The following NLRP9 variants were observed in gnomAD, a reference collection of about 807,000 sequenced individuals.
The protein encoded by NLRP9 is NACHT, LRR and PYD domains-containing protein 9.
In NLRP9, 88 loss-of-function variants were observed where a neutral mutation model predicts 83.1. The ratio of observed to expected loss-of-function variants is 1.06; its 90% CI spans 0.89 to 1.26. The LOEUF (loss-of-function observed/expected upper bound fraction) is 1.26. Among genes scored for constraint, NLRP9 ranks in the 50% most tolerant of loss-of-function variants. The pLI is 0.00. For synonymous variants in NLRP9, 521 were observed against 447.6 expected, an observed-to-expected ratio of 1.16 and a Z score of -2.07; for missense variants, 1,308 against 1,179.3, an observed-to-expected ratio of 1.11 and a Z score of -1.60.
In NLRP9 at chr19:55,708,982, A is replaced by G. The variant is rs1987572378; in HGVS notation, c.2906T>C (p.Ile969Thr). 1 of 1,593,870 alleles carries G rather than the reference A, an allele frequency of 6.3e-7. No homozygotes were observed. Among genetic ancestry groups the G allele is most frequent in the South Asian group, 1.2e-5 (1 of 86,928 alleles). The stretch of plus-strand genomic sequence containing the variant: ...TCCATGTGAAATGGTCAGATGGGGA[A>G]TTTTTTCTTCCACAGACATCAGGAT... Reference protein sequence around the residue: ...QKILMSVEEKIPHLTISHGPW... With the variant: ...QKILMSVEEKTPHLTISHGPW... The change falls in exon 9 of 9, where the codon ATT becomes ACT. Residue 969 changes from isoleucine to threonine, a missense_variant. By Grantham distance (89) the Ile-to-Thr change is moderately conservative. Transcript: ENST00000332836.
intron 3 of NLRP9, among the ~76,000 whole-genome samples, chr19:55,726,498 G>A (rs1214451628): frequency 6.6e-6 from 1 of 152,118 alleles, no homozygotes; most frequent in Admixed American, 6.5e-5. Flanking sequence ...AAGGACCGCT[G>A]GAGGTATGTG....
At chr19:55,729,484 T>C (rs1988506489) in intron 3 of NLRP9, among the ~76,000 whole-genome samples, 1 of 152,088 alleles carries the variant, frequency 6.6e-6, no homozygotes, top group South Asian at 2.1e-4. Flanking sequence ...GAACATGCGT[T>C]GTTTGGTTTT....
intron 8 of NLRP9, 150 bp from the exon 9 acceptor site, chr19:55,709,194 A>G (rs1004747134): frequency 1.9e-6 from 1 of 526,552 alleles, no homozygotes; most frequent in Admixed American, 4.3e-5. Context: ...ACAAGCATGA[A>G]TCTTTCCTAT....
At chr19:55,719,213 A>G (rs928248624) in intron 4 of NLRP9, among the ~76,000 whole-genome samples, 2 of 152,210 alleles carry the variant, frequency 1.3e-5, no homozygotes, top group Admixed American at 6.5e-5. Flanking sequence ...ATTACATTTC[A>G]TAAATGATTG....
At chr19:55,731,705 T>C (rs1368569789) in intron 2 of NLRP9, among the ~76,000 whole-genome samples, 1 of 126,892 alleles carries the variant, frequency 7.9e-6, no homozygotes, top group African/African-American at 3.1e-5. Flanking sequence ...GCCTGGGTGA[T>C]AGAGCAAGAC....
At chr19:55,709,155 C>G (rs1987593435) in intron 8 of NLRP9, 111 bp from the exon 9 acceptor site, 1 of 710,280 alleles carries the variant, frequency 1.4e-6, no homozygotes, top group African/African-American at 1.9e-5. Context: ...TCCTAGAAAT[C>G]ACTGGGAGAA....
rs1216231926 is a variant in NLRP9, at chr19:55,732,659, C to A, written c.1172G>T (p.Arg391Leu). The change falls in exon 2 of 9, where the codon CGA becomes CTA. Residue 391 changes from arginine (R) to leucine (L), a missense_variant. Physicochemically the swap from Arg to Leu is moderately radical, Grantham distance 102 (BLOSUM62 -2). Coordinates refer to ENST00000332836, the MANE Select transcript of NLRP9 (RefSeq NM_176820.4). ...QSFPPKVNRA[R>L]LKSLCALAAE... Reference sequence around the variant, plus strand: ...AGCCAAAGCACACAGGCTTTTTAGTCGGGCTCTGTTCACCTTAGGTGGAAA... The same window carrying A: ...AGCCAAAGCACACAGGCTTTTTAGTAGGGCTCTGTTCACCTTAGGTGGAAA... The A allele has an allele frequency of 4.3e-6, 7 of 1,614,150 alleles. No homozygotes were observed. The highest frequency in any genetic ancestry group is 2.2e-5 in the East Asian group (1 of 44,890).
intron 3 of NLRP9, among the ~76,000 whole-genome samples, chr19:55,726,559 G>T (rs1988409665): frequency 6.6e-6 from 1 of 152,108 alleles, no homozygotes; most frequent in Non-Finnish European, 1.5e-5. Context: ...ACAACCCAAG[G>T]AATCAATCTA....
At chr19:55,724,954 G>A (rs1001527806) in intron 3 of NLRP9, among the ~76,000 whole-genome samples, 4 of 152,116 alleles carry the variant, frequency 2.6e-5, no homozygotes, top group Admixed American at 2.6e-4. Flanking sequence ...AGGCACTCAA[G>A]AGGCTGAGGT....
chr19:55,711,356 A>C, intron 8 of NLRP9: 3 of 1,150,846 alleles, frequency 2.6e-6, no homozygotes, highest in Admixed American at 3.8e-5. Context: ...AGGCAAACCT[A>C]ATTTTCAGAA....
chr19:55,712,663 A>G (rs1987786138), intron 6 of NLRP9, 73 bp from the exon 7 acceptor site: 2 of 1,325,114 alleles, frequency 1.5e-6, no homozygotes, highest in East Asian at 4.9e-5. Flanking sequence ...ATTTTCATTT[A>G]TTCATATGAC....
At chr19:55,734,703 C>T (rs1488328613) in intron 1 of NLRP9, among the ~76,000 whole-genome samples, 1 of 150,846 alleles carries the variant, frequency 6.6e-6, no homozygotes, top group Non-Finnish European at 1.5e-5. Context: ...GGCGCTATCT[C>T]AGCTCACTGC....
rs1987746162 is a variant in NLRP9, at chr19:55,711,928, GAT to G, written c.2713_2714del (p.Ile905ArgfsTer23). On this transcript the variant is annotated frameshift_variant, in exon 8 of 9. Coordinates refer to ENST00000332836, the MANE Select transcript of NLRP9 (RefSeq NM_176820.4). LOFTEE classifies it high-confidence loss of function. The part of the protein sequence containing the change: ...CPITRACCDD[I>X]AAALIACKTL... ...TTTTGCAGGCGATGAGTGCTGCGGC[GAT>G]GTCGTCGCAGCAGGCACGGGTGATC... The G allele has an allele frequency of 1.2e-6, 2 of 1,613,046 alleles. No homozygotes were observed. The highest frequency in any genetic ancestry group is 2.7e-5 in the African/African-American group (2 of 74,930).
At position 55,712,496 on chromosome 19, in the gene NLRP9, T is replaced by TAATG; in HGVS notation, c.2595_2596insCATT (p.Asn866HisfsTer2). The TAATG allele has an allele frequency of 6.2e-7, 1 of 1,612,786 alleles. No homozygotes were observed. The highest frequency in any genetic ancestry group is 8.5e-7 in the Non-Finnish European group (1 of 1,179,828). ...CTGACACCAGTGTCTCCTATTTCATTATGCCCAAGTTTCAGGGTCTTCAGT... is the reference window on the plus strand; with the variant it reads ...CTGACACCAGTGTCTCCTATTTCATTAATGATGCCCAAGTTTCAGGGTCTTCAGT... On this transcript the variant is annotated frameshift_variant, in exon 7 of 9. Coordinates refer to ENST00000332836, the MANE Select transcript of NLRP9 (RefSeq NM_176820.4). LOFTEE classifies it high-confidence loss of function.
At chr19:55,709,441 C>T (rs564042439) in intron 8 of NLRP9, 1 of 152,864 alleles carries the variant, frequency 6.5e-6, no homozygotes, top group Non-Finnish European at 1.5e-5. Context: ...ATGTACCCAT[C>T]ACCAACTTCT....
At position 55,724,156 on chromosome 19, in the gene NLRP9, T is replaced by TAAA; in HGVS notation, c.1995-15_1995-13dup. 7.0e-7 allele frequency: 1 copy of TAAA among 1,427,096 alleles called. No homozygotes were observed. Among genetic ancestry groups the TAAA allele is most frequent in the Non-Finnish European group, 9.5e-7 (1 of 1,051,038 alleles). 88.4% of individuals were successfully genotyped at this position (1,427,096 alleles called of 1,614,324 possible). A position where few individuals can be genotyped will look rare whatever the true frequency, so the allele number is the denominator to read the frequency against. On this transcript the variant is annotated splice_polypyrimidine_tract_variant and intron_variant, in intron 3 of 8. Transcript: ENST00000332836. ...ACACAGAAGTAAATCTGCAAAAGAT[T>TAAA]AAAAAAAAAATAGCATCATGCAATG... is the stretch of plus-strand genomic sequence containing the variant.
rs377406414 is a variant in NLRP9 at position 55,708,951 on chromosome 19, C to A, written c.2937G>T (p.Trp979Cys). 6 of 1,578,794 alleles carry A rather than the reference C, an allele frequency of 3.8e-6. 1 individual carries two copies. The African/African-American group carries it at 6.9e-5, about 18-fold the overall frequency. Residue 979 changes from tryptophan to cysteine, a missense_variant, in exon 9 of 9, where the codon TGG (tryptophan) becomes TGT (cysteine). Transcript: ENST00000332836. The part of the protein sequence containing the change: ...IPHLTISHGP[W>C]IDEEYKIRGV... The stretch of plus-strand genomic sequence containing the variant: ...CCCTGATCTTGTATTCCTCGTCAAT[C>A]CAAGGTCCATGTGAAATGGTCAGAT...
At chr19:55,731,951 A>G (rs1185294259) in intron 2 of NLRP9, 48 bp downstream of exon 2, 2 of 1,266,888 alleles carry the variant, frequency 1.6e-6, no homozygotes, top group East Asian at 2.3e-5. Flanking sequence ...CCACTAGAGC[A>G]AACTCCAAGT....
chr19:55,729,708 CACT>C (rs1988514004), intron 3 of NLRP9, 120 bp downstream of exon 3: 3 of 739,390 alleles, frequency 4.1e-6, no homozygotes, highest in East Asian at 5.0e-5. Flanking sequence ...ATGTACATGT[CACT>C]ACATTTAACA....
Sources: gnomAD v4.1 joint callset for allele counts (sites outside exome capture counted in the v4.1 genomes callset) on GRCh38, gnomAD v4.1.1 for gene constraint, MANE v1.5 for transcripts, NCBI Gene and HGNC (gene_info 2026-07-23, HGNC 2026-07-21) for gene names.